The following PPP2R2D variants were observed in gnomAD, a reference collection of about 807,000 sequenced individuals.
PPP2R2D encodes serine/threonine-protein phosphatase 2A 55 kDa regulatory subunit B delta isoform.
In PPP2R2D, 9 loss-of-function variants were observed where a neutral mutation model predicts 31.1. The ratio of observed to expected loss-of-function variants is 0.29; its 90% CI spans 0.17 to 0.51. The LOEUF (loss-of-function observed/expected upper bound fraction) is 0.51, where lower values mean the gene tolerates loss of function less well. Among genes scored for constraint, PPP2R2D ranks in the 20% least tolerant of loss-of-function variants. The pLI is 0.98. For synonymous variants in PPP2R2D, 179 were observed against 172.6 expected (o/e 1.04, Z -0.29); for missense variants, 391 against 465.6 (o/e 0.84, Z 1.48).
intron 2 of PPP2R2D, among the ~76,000 whole-genome samples, chr10:131,908,283 T>C (rs2035629386): frequency 6.6e-6 from 1 of 152,208 alleles, no homozygotes; most frequent in African/African-American, 2.4e-5. Flanking sequence ...CCTGTTTCTT[T>C]CTTTGCCTAG....
chr10:131,920,305 A>G (rs1329216339), intron 2 of PPP2R2D, among the ~76,000 whole-genome samples: 1 of 139,808 alleles, frequency 7.2e-6, no homozygotes, highest in East Asian at 2.2e-4. Context: ...GGAATGACAC[A>G]GTGTAGGGAC....
chr10:131,944,328 T>C (rs1412663097), intron 6 of PPP2R2D, among the ~76,000 whole-genome samples, 183 bp downstream of exon 6: 3 of 152,270 alleles, frequency 2.0e-5, no homozygotes, highest in African/African-American at 7.2e-5. Context: ...CAAATTTCTT[T>C]CTACCTTTGG....
chr10:131,940,841 T>A (rs2036429088), intron 5 of PPP2R2D, 147 bp downstream of exon 5: 1 of 542,914 alleles, frequency 1.8e-6, no homozygotes, highest in African/African-American at 1.9e-5. Context: ...TTTGCACTCA[T>A]GTGTGTGTTT....
At chr10:131,905,057 G>A (rs2035561106) in intron 2 of PPP2R2D, among the ~76,000 whole-genome samples, 1 of 151,694 alleles carries the variant, frequency 6.6e-6, no homozygotes, top group East Asian at 1.9e-4. Context: ...ATTCCACTGG[G>A]TCATCAGACT....
chr10:131,912,798 C>T (rs2035705409), intron 2 of PPP2R2D, among the ~76,000 whole-genome samples: 1 of 152,154 alleles, frequency 6.6e-6, no homozygotes, highest in East Asian at 1.9e-4. Flanking sequence ...TTGATGGCTG[C>T]ATAGTATTCC....
chr10:131,935,329 C>T (rs552312251), intron 3 of PPP2R2D, among the ~76,000 whole-genome samples: 1 of 152,340 alleles, frequency 6.6e-6, no homozygotes, highest in East Asian at 1.9e-4. Flanking sequence ...TAAATACAGT[C>T]CCTTGCCCTT....
At chr10:131,907,200 T>A (rs4077743) in intron 2 of PPP2R2D, among the ~76,000 whole-genome samples, 25,274 of 150,510 alleles carry the variant, frequency 0.17, 2,483 homozygotes, top group African/African-American at 0.27. Context: ...TCATTTATAT[T>A]TTTTTTTTGG....
chr10:131,934,886 C>T (rs1467316591), intron 3 of PPP2R2D: 2 of 463,996 alleles, frequency 4.3e-6, no homozygotes, highest in African/African-American at 4.0e-5. Context: ...CTTTATACGC[C>T]TATGCAGGTA....
intron 2 of PPP2R2D, among the ~76,000 whole-genome samples, chr10:131,917,079 T>G (rs868972327): frequency 2.8e-5 from 4 of 145,390 alleles, no homozygotes; most frequent in African/African-American, 7.7e-5. Flanking sequence ...ACACAGTGTT[T>G]GTAGGGACCT....
intron 2 of PPP2R2D, among the ~76,000 whole-genome samples, chr10:131,907,017 TCTC>T (rs1262289328): frequency 4.6e-5 from 7 of 151,794 alleles, no homozygotes; most frequent in African/African-American, 1.5e-4. Context: ...TTATATATAA[TCTC>T]CTATAATGTC....
intron 2 of PPP2R2D, among the ~76,000 whole-genome samples, chr10:131,928,113 T>G (rs1420069553): frequency 6.6e-6 from 1 of 152,206 alleles, no homozygotes; most frequent in Non-Finnish European, 1.5e-5. Flanking sequence ...TGTGTGAGTG[T>G]GACATTGCAG....
intron 2 of PPP2R2D, among the ~76,000 whole-genome samples, chr10:131,924,817 G>T (rs1554894691): frequency 1.4e-5 from 2 of 141,482 alleles, no homozygotes; most frequent in Non-Finnish European, 3.1e-5. Flanking sequence ...GTATATTCAG[G>T]TCTTTAATTT....
At chr10:131,954,002 G>A (rs1554899516) in intron 8 of PPP2R2D, among the ~76,000 whole-genome samples, 1 of 152,176 alleles carries the variant, frequency 6.6e-6, no homozygotes, top group Non-Finnish European at 1.5e-5. Flanking sequence ...GGGGAGTGAG[G>A]CGTTTCAGTG....
intron 2 of PPP2R2D, among the ~76,000 whole-genome samples, chr10:131,925,896 A>C (rs2119818043): frequency 6.6e-6 from 1 of 152,324 alleles, no homozygotes; most frequent in African/African-American, 2.4e-5. Flanking sequence ...CCCCAGCATA[A>C]GGTGCATATT....
At position 131,908,188 on chromosome 10, in the gene PPP2R2D, A is replaced by G. The variant is rs937027973; in HGVS notation, c.100+6858A>G. Among the ~76,000 whole-genome samples, 172 of 152,198 alleles carry G rather than the reference A, an allele frequency of 1.1e-3. 4 individuals carry two copies. Among genetic ancestry groups the G allele is most frequent in the Middle Eastern group, 6.3e-3 (2 of 316 alleles). On this transcript the variant is annotated intron_variant, in intron 2 of 8. Transcript: ENST00000455566. ...GTTTTTCCTTACCTGCTTCATGTCCATCTACCCAGATCCCTTCCACTGGGC... is the reference window on the plus strand; with the variant it reads ...GTTTTTCCTTACCTGCTTCATGTCCGTCTACCCAGATCCCTTCCACTGGGC...
At chr10:131,942,180 C>G (rs1377749377) in intron 5 of PPP2R2D, among the ~76,000 whole-genome samples, 1 of 152,200 alleles carries the variant, frequency 6.6e-6, no homozygotes, top group African/African-American at 2.4e-5. Context: ...ACACCCCACC[C>G]TCAGAAACCC....
chr10:131,971,137 C>G, the PPP2R2D span: 3 of 646,642 alleles, frequency 4.6e-6, no homozygotes, highest in Non-Finnish European at 8.0e-6. Context: ...TGGGGGCCTT[C>G]CCCGGGCCGC....
chr10:131,922,454 GTTTT>G (rs11298994), intron 2 of PPP2R2D, among the ~76,000 whole-genome samples: 2 of 133,814 alleles, frequency 1.5e-5, no homozygotes, highest in Non-Finnish European at 3.2e-5. Context: ...TCTGTCAATT[GTTTT>G]TTTTTTTTTT....
chr10:131,964,382 A>C (rs1381262422), downstream of PPP2R2D, among the ~76,000 whole-genome samples: 2 of 150,570 alleles, frequency 1.3e-5, no homozygotes, highest in African/African-American at 4.9e-5. Context: ...ACCGGGACCC[A>C]GGGCTGGCCG....
Sources: allele counts gnomAD v4.1 joint callset (sites outside exome capture counted in the v4.1 genomes callset), GRCh38; gene constraint gnomAD v4.1.1; transcripts MANE v1.5; gene names NCBI Gene and HGNC (gene_info 2026-07-23, HGNC 2026-07-21).